Variants in CNNM2 observed in about 807,000 individuals in gnomAD.
CNNM2 encodes the protein cyclin and CBS domain divalent metal cation transport mediator 2.
Under a neutral mutation model 66.9 loss-of-function variants are expected in CNNM2, and 12 were observed. That is an observed-to-expected ratio of 0.18 (90% confidence interval 0.11 to 0.29). CNNM2 has a LOEUF of 0.29. Among genes scored for constraint, CNNM2 ranks in the 10% least tolerant of loss-of-function variants. CNNM2 has a pLI of 1.00. For missense variants in CNNM2, 705 were observed against 1,167.7 expected (o/e 0.60, Z 5.77); for synonymous variants, 557 against 501.8 (o/e 1.11, Z -1.47).
chr10:102,991,225 T>C (rs2063892500), intron 1 of CNNM2, among the ~76,000 whole-genome samples: 1 of 152,054 alleles, frequency 6.6e-6, no homozygotes, highest in South Asian at 2.1e-4. Context: ...TGACCTCAAG[T>C]GATCTGCCTG....
At chr10:102,953,874 A>G (rs1322393611) in intron 1 of CNNM2, among the ~76,000 whole-genome samples, 2 of 152,064 alleles carry the variant, frequency 1.3e-5, no homozygotes, top group Admixed American at 6.6e-5. Flanking sequence ...TTGTAGCTCT[A>G]TGTATTATTG....
rs111595478 is a variant in CNNM2, at chr10:102,961,964, CTT to C, written c.1621+41864_1621+41865del. ...TCTAACGATACTTATAAAAAACAAA[CTT>C]ATGACTTGAAATAAGGCACTTACTT... is the stretch of plus-strand genomic sequence containing the variant. On this transcript the variant is annotated intron_variant, in intron 1 of 7. Coordinates refer to ENST00000369878, the MANE Select transcript of CNNM2 (RefSeq NM_017649.5). Among the ~76,000 whole-genome samples, 16,495 of 151,906 alleles carry C rather than the reference CTT, an allele frequency of 0.11. 898 individuals are homozygous for C. The highest frequency in any genetic ancestry group is 0.17 in the Middle Eastern group (50 of 292).
intron 1 of CNNM2, among the ~76,000 whole-genome samples, chr10:102,992,971 T>C (rs543616957): frequency 6.9e-4 from 105 of 152,292 alleles, no homozygotes; most frequent in African/African-American, 2.4e-3. Flanking sequence ...GTTTATCATC[T>C]ACCTAGCACC....
At chr10:102,925,630 T>G (rs748082653) in intron 1 of CNNM2, among the ~76,000 whole-genome samples, 1 of 152,204 alleles carries the variant, frequency 6.6e-6, no homozygotes, top group Non-Finnish European at 1.5e-5. Context: ...CAGGCTGGTC[T>G]TCTGGTCCCA....
rs12248123 is a variant in CNNM2, at chr10:102,975,609, A to G, written c.1621+55508A>G. Among the ~76,000 whole-genome samples, 47,540 of 152,018 alleles carry G rather than the reference A, an allele frequency of 0.31. 7,552 individuals are homozygous for G. The highest frequency in any genetic ancestry group is 0.37 in the Middle Eastern group (109 of 294). Reference sequence around the variant, plus strand: ...TTTATGCCAAGGTCTTCATAAGCCCAAATTAACAAATTGCCAAGTATGTCA... The same window carrying G: ...TTTATGCCAAGGTCTTCATAAGCCCGAATTAACAAATTGCCAAGTATGTCA... On this transcript the variant is annotated intron_variant, in intron 1 of 7. Coordinates refer to ENST00000369878, the MANE Select transcript of CNNM2 (RefSeq NM_017649.5).
At chr10:103,041,277 A>G (rs764575318) in intron 1 of CNNM2, among the ~76,000 whole-genome samples, 1 of 152,142 alleles carries the variant, frequency 6.6e-6, no homozygotes, top group Non-Finnish European at 1.5e-5. Context: ...ACAAATGTCA[A>G]GTTTCACTGA....
intron 1 of CNNM2, among the ~76,000 whole-genome samples, chr10:102,973,278 A>C (rs1217048354): frequency 6.6e-6 from 1 of 151,602 alleles, no homozygotes; most frequent in Non-Finnish European, 1.5e-5. Flanking sequence ...TGCTATATGC[A>C]ATAACTTTTT....
rs2066002039 is a variant in CNNM2, at chr10:103,088,651, T to C, written c.*11471T>C. On this transcript the variant is annotated 3_prime_UTR_variant, in exon 8 of 8. Transcript: ENST00000369878. The stretch of plus-strand genomic sequence containing the variant: ...ATCCGCCTGTCTCGGCCTCCCAAAG[T>C]GCTGGGATTACAGGCGTGAGCCGCC... 1 of 170,516 alleles carries C rather than the reference T, an allele frequency of 5.9e-6. No individual in the cohort carries two copies. The highest frequency in any genetic ancestry group is 1.3e-5 in the Non-Finnish European group (1 of 78,602). 10.6% of individuals were successfully genotyped at this position (170,516 alleles called of 1,614,324 possible). A position where few individuals can be genotyped will look rare whatever the true frequency, so the allele number is the denominator to read the frequency against.
rs35700442 is a variant in CNNM2 at position 102,970,043 on chromosome 10, T to C, written c.1621+49942T>C. 2.3e-3 allele frequency among the ~76,000 whole-genome samples: 356 copies of C among 152,358 alleles called. 8 individuals are homozygous for C. In the East Asian group the frequency reaches 0.051, roughly 22 times the overall value. The stretch of plus-strand genomic sequence containing the variant: ...ACTCTTTGCTTACTTATTTTTACTC[T>C]TTCTTTTTGAGATTTGTAAAATTAT... On this transcript the variant is annotated intron_variant, in intron 1 of 7. Transcript: ENST00000369878.
chr10:103,063,857 A>T (rs980584855), intron 4 of CNNM2, among the ~76,000 whole-genome samples: 1 of 152,208 alleles, frequency 6.6e-6, no homozygotes, highest in Non-Finnish European at 1.5e-5. Flanking sequence ...ATATGGAAAA[A>T]GTTGTTATCT....
At chr10:103,034,419 T>G (rs540403018) in intron 1 of CNNM2, among the ~76,000 whole-genome samples, 1 of 152,192 alleles carries the variant, frequency 6.6e-6, no homozygotes, top group East Asian at 1.9e-4. Flanking sequence ...TTAAAACGCC[T>G]GTGACTGCAG....
At chr10:103,052,663 G>A (rs565637061) in intron 2 of CNNM2, among the ~76,000 whole-genome samples, 5 of 151,962 alleles carry the variant, frequency 3.3e-5, no homozygotes, top group Non-Finnish European at 7.4e-5. Flanking sequence ...ACAGGCACCC[G>A]CCATCACACC....
intron 1 of CNNM2, among the ~76,000 whole-genome samples, chr10:102,984,590 G>A (rs915473803): frequency 5.9e-5 from 9 of 152,092 alleles, no homozygotes; most frequent in Non-Finnish European, 8.8e-5. Flanking sequence ...GGTAGTGCTC[G>A]CTCTACAACT....
At chr10:102,949,034 A>G (rs1846724127) in intron 1 of CNNM2, among the ~76,000 whole-genome samples, 1 of 152,164 alleles carries the variant, frequency 6.6e-6, no homozygotes, top group South Asian at 2.1e-4. Context: ...TTTTTAGGAG[A>G]GAACCTTGAG....
At chr10:103,056,087 C>CA (rs34015679) in intron 3 of CNNM2, among the ~76,000 whole-genome samples, 17,318 of 119,544 alleles carry the variant, frequency 0.14, 1,168 homozygotes, top group Non-Finnish European at 0.18. Flanking sequence ...GACTCCTTCT[C>CA]AAAAAAAAAA....
Position 103,088,378 on chromosome 10 carries a change from T to C in CNNM2, c.*11198T>C, listed in dbSNP as rs533235334. On this transcript the variant is annotated 3_prime_UTR_variant, in exon 8 of 8. Coordinates refer to ENST00000369878, the MANE Select transcript of CNNM2 (RefSeq NM_017649.5). Reference sequence around the variant, plus strand: ...GTTTAAAACAAGAGGTGATTTCGACTTGGGATTGGGATTTTTATTTTTTGA... The same window carrying C: ...GTTTAAAACAAGAGGTGATTTCGACCTGGGATTGGGATTTTTATTTTTTGA... The C allele has an allele frequency of 2.6e-5, 4 of 152,314 alleles. No homozygotes were observed. In the South Asian group the frequency reaches 6.2e-4, roughly 24 times the overall value. 9.4% of individuals were successfully genotyped at this position (152,314 alleles called of 1,614,324 possible).
chr10:102,992,677 G>T (rs1338964065), intron 1 of CNNM2, among the ~76,000 whole-genome samples: 1 of 152,124 alleles, frequency 6.6e-6, no homozygotes, highest in Non-Finnish European at 1.5e-5. Context: ...ACCTACTTGT[G>T]AATGGGAATG....
At position 102,919,419 on chromosome 10, in the gene CNNM2, C is replaced by T. The variant is rs1021580541; in HGVS notation, c.939C>T (p.Asn313=). Reference sequence around the variant, plus strand: ...TCGAGCCGGTGCGCAGGCAGGGCAACTACCTGCTGTGCTCACTGCTGCTGG... The same window carrying T: ...TCGAGCCGGTGCGCAGGCAGGGCAATTACCTGCTGTGCTCACTGCTGCTGG... ...KRIEPVRRQG[N]YLLCSLLLGN... is the part of the protein sequence containing the mutation. The change falls in exon 1 of 8, where the codon AAC becomes AAT. Residue 313 remains asparagine, a synonymous_variant. Coordinates refer to ENST00000369878, the MANE Select transcript of CNNM2 (RefSeq NM_017649.5). 2 of 1,611,484 alleles carry T rather than the reference C, an allele frequency of 1.2e-6. No homozygotes were observed. The highest frequency in any genetic ancestry group is 1.3e-5 in the African/African-American group (1 of 74,944).
intron 1 of CNNM2, among the ~76,000 whole-genome samples, chr10:102,984,355 G>A (rs2063763327): frequency 6.6e-6 from 1 of 152,124 alleles, no homozygotes; most frequent in South Asian, 2.1e-4. Flanking sequence ...GAATAGCCAA[G>A]GTTAAATTGG....
Sources: allele counts gnomAD v4.1 joint callset (sites outside exome capture counted in the v4.1 genomes callset), GRCh38; gene constraint gnomAD v4.1.1; transcripts MANE v1.5; gene names NCBI Gene and HGNC (gene_info 2026-07-23, HGNC 2026-07-21).